The following TRIOBP variants were observed in gnomAD, a reference collection of about 807,000 sequenced individuals.
TRIOBP encodes TRIO and F-actin-binding protein.
A neutral mutation model predicts 238.8 loss-of-function variants in TRIOBP; 169 were observed. That is an observed-to-expected ratio of 0.71 (90% CI 0.62 to 0.80). TRIOBP has a LOEUF of 0.80. Among genes scored for constraint, TRIOBP ranks in the 30% least tolerant of loss-of-function variants. TRIOBP has a pLI of 0.00. For missense variants in TRIOBP, 2,838 were observed against 3,122.6 expected, an observed-to-expected ratio of 0.91 and a Z score of 2.17; for synonymous variants, 1,150 against 1,274.4, an observed-to-expected ratio of 0.90 and a Z score of 2.08.
chr22:37,773,102 C>T (rs1193010784), intron 23 of TRIOBP, among the ~76,000 whole-genome samples: 6 of 152,224 alleles, frequency 3.9e-5, no homozygotes, highest in Non-Finnish European at 7.3e-5. Context: ...GCTTCACACA[C>T]ACACATCGCA....
intron 11 of TRIOBP, among the ~76,000 whole-genome samples, chr22:37,749,783 C>CAAAA (rs893218020): frequency 1.7e-4 from 10 of 60,164 alleles, no homozygotes; most frequent in Admixed American, 3.3e-4. Context: ...CCCATCTCTA[C>CAAAA]AAAAAAAAAA....
chr22:37,763,685 A>G (rs1401490060), intron 17 of TRIOBP, among the ~76,000 whole-genome samples: 1 of 152,138 alleles, frequency 6.6e-6, no homozygotes, highest in African/African-American at 2.4e-5. Flanking sequence ...CAACACCCTC[A>G]CACTCCTTCT....
chr22:37,699,696 C>G (rs963982542), intron 2 of TRIOBP, among the ~76,000 whole-genome samples: 1 of 151,942 alleles, frequency 6.6e-6, no homozygotes. Context: ...TGCATACCAC[C>G]ATGCCTGGCT....
chr22:37,746,022 T>C (rs1327634649), intron 11 of TRIOBP, among the ~76,000 whole-genome samples: 1 of 125,586 alleles, frequency 8.0e-6, no homozygotes, highest in Non-Finnish European at 1.8e-5. Context: ...CGCCCTCCCT[T>C]CCCTGCGGCC....
Position 37,710,417 on chromosome 22 carries a change from C to T in TRIOBP, c.115-10C>T. ...CGCTGAGCTGTCTCCTCTCTCCAAC[C>T]CTGGCCCAGGAGCTCAGGAGCCCTT... On this transcript the variant is annotated splice_polypyrimidine_tract_variant and intron_variant, in intron 3 of 23. Coordinates refer to ENST00000644935, the MANE Select transcript of TRIOBP (RefSeq NM_001039141.3). The T allele has an allele frequency of 1.2e-6, 2 of 1,613,308 alleles. No homozygotes were observed. The highest frequency in any genetic ancestry group is 1.7e-6 in the Non-Finnish European group (2 of 1,180,008).
intron 2 of TRIOBP, among the ~76,000 whole-genome samples, chr22:37,700,370 T>C (rs559627087): frequency 4.0e-5 from 6 of 150,606 alleles, no homozygotes; most frequent in Non-Finnish European, 7.4e-5. Flanking sequence ...CTCAAACTCC[T>C]GGGCTCAAGA....
At chr22:37,746,098 C>T (rs1925232581) in intron 11 of TRIOBP, 2 of 785,854 alleles carry the variant, frequency 2.5e-6, no homozygotes, top group South Asian at 1.1e-4. Context: ...CGTCCCGTTG[C>T]GGCAGGTCCC....
intron 16 of TRIOBP, 40 bp downstream of exon 16, chr22:37,758,178 C>A (rs1926047901): frequency 6.2e-7 from 1 of 1,607,028 alleles, no homozygotes. Flanking sequence ...CCCCTTGCCC[C>A]AGCGCCCCTC....
chr22:37,705,645 G>A (rs1375438540), intron 3 of TRIOBP, among the ~76,000 whole-genome samples: 4 of 151,528 alleles, frequency 2.6e-5, no homozygotes, highest in Non-Finnish European at 5.9e-5. Flanking sequence ...GCGTGATCTC[G>A]GCTCACTGCA....
intron 3 of TRIOBP, among the ~76,000 whole-genome samples, chr22:37,707,442 G>A (rs914715242): frequency 6.6e-6 from 1 of 151,982 alleles, no homozygotes; most frequent in Non-Finnish European, 1.5e-5. Flanking sequence ...ATCACCCTCA[G>A]ATGCTGCTGC....
chr22:37,737,110 T>C (rs1022042640), intron 9 of TRIOBP, among the ~76,000 whole-genome samples: 14 of 152,092 alleles, frequency 9.2e-5, no homozygotes, highest in African/African-American at 2.9e-4. Context: ...TCAGGCTTGT[T>C]AGGAAGGCAC....
chr22:37,758,102 G>A lies in TRIOBP; in HGVS notation c.6177G>A (p.Gly2059=), dbSNP rs1406372279. The A allele has an allele frequency of 6.2e-7, 1 of 1,611,094 alleles. No homozygotes were observed. The highest frequency in any genetic ancestry group is 8.5e-7 in the Non-Finnish European group (1 of 1,179,948). ...LLNQSRGERR[G]PPSDGHEALE... ...ACCAAAGCCGCGGAGAGCGCCGAGG[G>A]CCCCCAAGTGACGGCCACGAGGCAC... The change falls in exon 16 of 24, where the codon GGG becomes GGA. Residue 2059 remains glycine, a synonymous_variant. Coordinates refer to ENST00000644935, the MANE Select transcript of TRIOBP (RefSeq NM_001039141.3).
In TRIOBP at chr22:37,715,784, CAGG is replaced by C. The variant is rs1263650263; in HGVS notation, c.488_490del (p.Glu163del). ...GCAGGACTGGGACACTGTTGAGAGGCAGGAGGAGGAGGCCCCCAGCTGGGACGA... is the reference window on the plus strand; with the variant it reads ...GCAGGACTGGGACACTGTTGAGAGGCAGGAGGAGGCCCCCAGCTGGGACGA... On this transcript the variant is annotated inframe_deletion, in exon 6 of 24. Coordinates refer to ENST00000644935, the MANE Select transcript of TRIOBP (RefSeq NM_001039141.3). The C allele has an allele frequency of 6.2e-7, 1 of 1,614,004 alleles. No individual in the cohort carries two copies. Among genetic ancestry groups the C allele is most frequent in the Non-Finnish European group, 8.5e-7 (1 of 1,180,016 alleles).
At chr22:37,714,924 C>T (rs948888474) in intron 5 of TRIOBP, among the ~76,000 whole-genome samples, 4 of 152,102 alleles carry the variant, frequency 2.6e-5, no homozygotes, top group South Asian at 2.1e-4. Flanking sequence ...GGCCATGGAG[C>T]GGAGTCTACA....
Position 37,744,561 on chromosome 22 carries a change from A to T in TRIOBP, c.5322+3529A>T, listed in dbSNP as rs1355800968. On this transcript the variant is annotated intron_variant, in intron 11 of 23. Coordinates refer to ENST00000644935, the MANE Select transcript of TRIOBP (RefSeq NM_001039141.3). ...GGTACTAGGAGGAGTCGCAGGGGCC[A>T]GAAAAGCCTGGAGGAGGCTGGTGCT... is the stretch of plus-strand genomic sequence containing the variant. Among the ~76,000 whole-genome samples the T allele has an allele frequency of 4.6e-5, 7 of 152,172 alleles. No individual in the cohort carries two copies. The East Asian group carries it at 1.4e-3, about 29-fold the overall frequency.
intron 4 of TRIOBP, among the ~76,000 whole-genome samples, chr22:37,711,586 A>C (rs1156708488): frequency 2.0e-4 from 8 of 39,398 alleles, no homozygotes; most frequent in Admixed American, 4.3e-4. Context: ...CTCAAAAAAA[A>C]AAAAAACAAC....
At position 37,734,853 on chromosome 22, in the gene TRIOBP, T is replaced by C. The variant is rs1924590040; in HGVS notation, c.4517T>C (p.Leu1506Pro). Residue 1506 changes from leucine to proline, a missense_variant, in exon 9 of 24, where the codon CTA becomes CCA. Physicochemically the swap from Leu to Pro is moderately conservative, Grantham distance 98. Around this residue, in one of 5 missense-constraint regions of TRIOBP, gnomAD observed 2,096 missense variants for 2,137.4 expected, o/e 0.98. Transcript: ENST00000644935. The part of the protein sequence containing the change: ...EKPTHELPRE[L>P]GKRSPLTSPP... ...CCCACTCATGAGCTCCCCAGAGAACTAGGAAAGAGAAGCCCACTCACGAGC... is the reference window on the plus strand; with the variant it reads ...CCCACTCATGAGCTCCCCAGAGAACCAGGAAAGAGAAGCCCACTCACGAGC... The C allele has an allele frequency of 6.2e-7, 1 of 1,612,566 alleles. No individual in the cohort carries two copies. Among genetic ancestry groups the C allele is most frequent in the Non-Finnish European group, 8.5e-7 (1 of 1,179,908 alleles).
chr22:37,712,772 C>G (rs990904825), intron 4 of TRIOBP, among the ~76,000 whole-genome samples: 2 of 151,486 alleles, frequency 1.3e-5, no homozygotes, highest in African/African-American at 2.4e-5. Flanking sequence ...CTGGCTAACA[C>G]GGTGAAACCC....
At chr22:37,752,255 C>A (rs7291159) in intron 12 of TRIOBP, among the ~76,000 whole-genome samples, 6,165 of 152,288 alleles carry the variant, frequency 0.04, 163 homozygotes, top group Middle Eastern at 0.082. Context: ...TCAAAGCCTC[C>A]TCTAGTCCTC....
Sources: allele counts gnomAD v4.1 joint callset (sites outside exome capture counted in the v4.1 genomes callset), GRCh38; gene constraint gnomAD v4.1.1; regional missense constraint gnomAD v4.1.1; transcripts MANE v1.5; gene names NCBI Gene and HGNC (gene_info 2026-07-23, HGNC 2026-07-21).